The following DOK6 variants were observed in gnomAD, a reference collection of about 807,000 sequenced individuals.
The protein encoded by DOK6 is downstream of tyrosine kinase 6.
A neutral mutation model predicts 44.0 loss-of-function variants in DOK6; 22 were observed. The observed-to-expected ratio is 0.50, with a 90% CI of 0.36 to 0.71. The LOEUF is 0.71. DOK6 is among the 30% of genes least tolerant of loss of function. DOK6 has a pLI of 0.00. For missense variants in DOK6, 340 were observed against 416.4 expected, an observed-to-expected ratio of 0.82 and a Z score of 1.60; for synonymous variants, 166 against 145.5, an observed-to-expected ratio of 1.14 and a Z score of -1.01.
chr18:69,698,724 C>T (rs1986447616), intron 5 of DOK6, 131 bp downstream of exon 5: 1 of 772,630 alleles, frequency 1.3e-6, no homozygotes, highest in Non-Finnish European at 1.9e-6. Context: ...TAAAAGTTAC[C>T]AAATACATAA....
chr18:69,666,633 T>G (rs1026307021), intron 3 of DOK6, among the ~76,000 whole-genome samples: 55 of 152,182 alleles, frequency 3.6e-4, no homozygotes, highest in Middle Eastern at 3.2e-3. Context: ...ATTGGCCTAT[T>G]TATGGTGTTT....
Position 69,698,467 on chromosome 18 carries a change from A to G in DOK6, c.473A>G (p.Gln158Arg), listed in dbSNP as rs1986441083. 1.9e-6 allele frequency: 3 copies of G among 1,614,126 alleles called. No individual in the cohort carries two copies. The highest frequency in any genetic ancestry group is 2.5e-6 in the Non-Finnish European group (3 of 1,179,952). Reference protein sequence around the residue: ...NLDIYGECTMQITHENIYLWD... With the variant: ...NLDIYGECTMRITHENIYLWD... ...GATATTTATGGTGAATGCACAATGCAGATCACTCATGAAAATATCTATCTC... is the reference window on the plus strand; with the variant it reads ...GATATTTATGGTGAATGCACAATGCGGATCACTCATGAAAATATCTATCTC... The change falls in exon 5 of 8, where the codon CAG becomes CGG. Residue 158 changes from glutamine (Q) to arginine (R), a missense_variant. Around this residue, in one of 3 missense-constraint regions of DOK6, gnomAD observed 206 missense variants for 258.6 expected, o/e 0.80. Coordinates refer to ENST00000382713, the MANE Select transcript of DOK6 (RefSeq NM_152721.6).
chr18:69,448,652 G>C (rs1979365129), intron 1 of DOK6, among the ~76,000 whole-genome samples: 1 of 152,176 alleles, frequency 6.6e-6, no homozygotes. Flanking sequence ...GGGATTACAG[G>C]TGTGAGCCAC....
chr18:69,664,514 G>T (rs4399633), intron 3 of DOK6, among the ~76,000 whole-genome samples: 129,945 of 152,168 alleles, frequency 0.85, 55,717 homozygotes, highest in East Asian at 1. Flanking sequence ...CTTTTATGGA[G>T]GTAAGACTAG....
intron 3 of DOK6, among the ~76,000 whole-genome samples, chr18:69,602,698 T>C (rs886863466): frequency 6.6e-6 from 1 of 152,218 alleles, no homozygotes; most frequent in African/African-American, 2.4e-5. Flanking sequence ...TTGCAATAAT[T>C]CTTTCAATCT....
intron 7 of DOK6, among the ~76,000 whole-genome samples, chr18:69,768,051 A>C (rs1239054757): frequency 6.6e-6 from 1 of 152,172 alleles, no homozygotes; most frequent in African/African-American, 2.4e-5. Flanking sequence ...ATTTTTCTCC[A>C]TCAAGCTTCC....
intron 7 of DOK6, among the ~76,000 whole-genome samples, chr18:69,770,581 A>G (rs1160613867): frequency 6.6e-6 from 1 of 152,106 alleles, no homozygotes; most frequent in African/African-American, 2.4e-5. Context: ...ACTTGTATAC[A>G]GTTTGGTCAC....
intron 1 of DOK6, among the ~76,000 whole-genome samples, chr18:69,496,391 C>T (rs1434954411): frequency 6.6e-6 from 1 of 152,250 alleles, no homozygotes; most frequent in Non-Finnish European, 1.5e-5. Flanking sequence ...CGGCTACCAC[C>T]AGGTCTATGG....
intron 5 of DOK6, among the ~76,000 whole-genome samples, chr18:69,727,786 C>G (rs1407996409): frequency 1.3e-5 from 2 of 152,130 alleles, no homozygotes; most frequent in East Asian, 1.9e-4. Flanking sequence ...TTCTTTGTTT[C>G]TTATTGAATA....
At chr18:69,783,759 C>G (rs527449927) in intron 7 of DOK6, among the ~76,000 whole-genome samples, 1 of 151,912 alleles carries the variant, frequency 6.6e-6, no homozygotes, top group African/African-American at 2.4e-5. Context: ...AATATGAAGG[C>G]CTATACTCAA....
At chr18:69,448,516 C>T (rs1322857593) in intron 1 of DOK6, among the ~76,000 whole-genome samples, 2 of 152,084 alleles carry the variant, frequency 1.3e-5, no homozygotes, top group African/African-American at 2.4e-5. Context: ...AGATTACAGG[C>T]ATGCACCACC....
chr18:69,760,055 T>C (rs1439553141), intron 7 of DOK6, among the ~76,000 whole-genome samples: 6 of 152,168 alleles, frequency 3.9e-5, no homozygotes, highest in South Asian at 2.1e-4. Flanking sequence ...AGGGGATAGA[T>C]GGTTGATAGT....
chr18:69,540,500 C>G (rs181040799), intron 1 of DOK6, among the ~76,000 whole-genome samples: 1 of 152,068 alleles, frequency 6.6e-6, no homozygotes, highest in Admixed American at 6.5e-5. Flanking sequence ...GGAGAATTTA[C>G]CATTTGTCCA....
At position 69,709,372 on chromosome 18, in the gene DOK6, A is replaced by C. The variant is rs994662391; in HGVS notation, c.599+10779A>C. Among the ~76,000 whole-genome samples, 6 of 152,302 alleles carry C rather than the reference A, an allele frequency of 3.9e-5. No individual in the cohort carries two copies. The South Asian group carries it at 1.0e-3, about 26-fold the overall frequency. On this transcript the variant is annotated intron_variant, in intron 5 of 7. Transcript: ENST00000382713. ...AGTCAAATAGATTAACTTATCCTTGACACAAATGTTAATTTTTTTCCCATT... is the reference window on the plus strand; with the variant it reads ...AGTCAAATAGATTAACTTATCCTTGCCACAAATGTTAATTTTTTTCCCATT...
chr18:69,803,454 A>T (rs1980960407), intron 7 of DOK6, among the ~76,000 whole-genome samples: 1 of 152,204 alleles, frequency 6.6e-6, no homozygotes, highest in Non-Finnish European at 1.5e-5. Flanking sequence ...AAAACTGTAT[A>T]AAAATGCACC....
At chr18:69,770,917 T>C (rs1423796383) in intron 7 of DOK6, among the ~76,000 whole-genome samples, 1 of 152,060 alleles carries the variant, frequency 6.6e-6, no homozygotes, top group Non-Finnish European at 1.5e-5. Context: ...CCTGTTGTTA[T>C]TCCCTGTTGT....
intron 2 of DOK6, among the ~76,000 whole-genome samples, chr18:69,568,832 C>T (rs1289061134): frequency 6.6e-6 from 1 of 151,670 alleles, no homozygotes; most frequent in Non-Finnish European, 1.5e-5. Context: ...GCTGTGCGCT[C>T]CTTATGAGAA....
In DOK6 at chr18:69,757,888, T is replaced by C; in HGVS notation, c.856+15T>C. ...CAGTTTGCAAGGCAAGTCACTTTAA[T>C]GTAAGAAAGCAGTGCCTCCATAAGC... On this transcript the variant is annotated intron_variant, in intron 7 of 7. Coordinates refer to ENST00000382713, the MANE Select transcript of DOK6 (RefSeq NM_152721.6). The C allele has an allele frequency of 6.2e-7, 1 of 1,607,894 alleles. No individual in the cohort carries two copies. Among genetic ancestry groups the C allele is most frequent in the Non-Finnish European group, 8.5e-7 (1 of 1,174,346 alleles).
intron 4 of DOK6, among the ~76,000 whole-genome samples, chr18:69,685,402 T>G (rs1411205043): frequency 1.3e-5 from 2 of 152,324 alleles, no homozygotes; most frequent in Non-Finnish European, 2.9e-5. Flanking sequence ...CTTCCTACTC[T>G]GCACATTGAG....
Sources: gnomAD v4.1 joint callset for allele counts (sites outside exome capture counted in the v4.1 genomes callset) on GRCh38, gnomAD v4.1.1 for gene constraint, gnomAD v4.1.1 regional missense constraint, MANE v1.5 for transcripts, NCBI Gene and HGNC (gene_info 2026-07-23, HGNC 2026-07-21) for gene names.